Variants in MMP16 observed in about 807,000 individuals in gnomAD.
The protein encoded by MMP16 is matrix metallopeptidase 16, also known as matrix metalloproteinase-16.
In MMP16, 12 loss-of-function variants were observed where a neutral mutation model predicts 67.8. The ratio of observed to expected loss-of-function variants is 0.18; its 90% CI spans 0.11 to 0.29. MMP16 has a LOEUF of 0.29. Among genes scored for constraint, MMP16 ranks in the 10% least tolerant of loss-of-function variants. MMP16 has a pLI of 1.00. For synonymous variants in MMP16, 249 were observed against 255.9 expected (o/e 0.97, Z 0.26); for missense variants, 475 against 765.7 (o/e 0.62, Z 4.48).
chr8:88,236,208 T>C (rs1809937719), intron 1 of MMP16, among the ~76,000 whole-genome samples: 1 of 152,204 alleles, frequency 6.6e-6, no homozygotes, highest in Non-Finnish European at 1.5e-5. Flanking sequence ...GGCAGGGTGC[T>C]AGAATGGTTG....
chr8:88,118,618 G>A (rs1809478532), intron 5 of MMP16, 82 bp downstream of exon 5: 11 of 1,256,104 alleles, frequency 8.8e-6, no homozygotes, highest in Non-Finnish European at 1.3e-5. Flanking sequence ...TATACTTAGA[G>A]CATCTATCTC....
Position 88,033,332 on chromosome 8 carries a change from C to G in MMP16, c.*8129G>C, listed in dbSNP as rs1808010035. The G allele has an allele frequency of 6.7e-6, 1 of 149,024 alleles. No individual in the cohort carries two copies. Among genetic ancestry groups the G allele is most frequent in the African/African-American group, 2.5e-5 (1 of 40,722 alleles). 9.2% of individuals were successfully genotyped at this position (149,024 alleles called of 1,614,324 possible). A position where few individuals can be genotyped will look rare whatever the true frequency, so the allele number is the denominator to read the frequency against. On this transcript the variant is annotated 3_prime_UTR_variant, in exon 10 of 10. Transcript: ENST00000286614. ...TATGTATCATATATACTATATATTC[C>G]TAAATCTATATTACCAGATAGCTTA...
chr8:88,326,737 G>A, intron 1 of MMP16: 1 of 202,264 alleles, frequency 4.9e-6, no homozygotes, highest in South Asian at 1.0e-4. Flanking sequence ...TGTCTTCCCC[G>A]AGCTGTTTAT....
At chr8:88,166,279 T>C (rs977786251) in intron 4 of MMP16, among the ~76,000 whole-genome samples, 2 of 152,058 alleles carry the variant, frequency 1.3e-5, no homozygotes, top group African/African-American at 4.8e-5. Flanking sequence ...TGTACACTTA[T>C]AGTTGAATAA....
chr8:88,192,714 G>T (rs944649752), intron 2 of MMP16, among the ~76,000 whole-genome samples: 2 of 152,122 alleles, frequency 1.3e-5, no homozygotes, highest in South Asian at 2.1e-4. Context: ...AAATGTTGGG[G>T]TTCTTGGTAC....
chr8:88,253,295 A>G (rs1023616725), intron 1 of MMP16, among the ~76,000 whole-genome samples: 4 of 152,156 alleles, frequency 2.6e-5, no homozygotes, highest in East Asian at 1.9e-4. Flanking sequence ...ATAACTCCCT[A>G]TTCCTTAAGT....
intron 4 of MMP16, among the ~76,000 whole-genome samples, chr8:88,166,746 T>G (rs1055228383): frequency 7.0e-6 from 1 of 143,222 alleles, no homozygotes; most frequent in African/African-American, 2.5e-5. Flanking sequence ...ATTTTAATTT[T>G]TTTTAAACAG....
rs559610820 is a variant in MMP16 at position 88,201,449 on chromosome 8, T to A, written c.133-4143A>T. On this transcript the variant is annotated intron_variant, in intron 1 of 9. Transcript: ENST00000286614. Reference sequence around the variant, plus strand: ...ATCCAAAGTACAGTACTCATATGAATAGAAAAGTGCAAAGGTGATAAATTT... The same window carrying A: ...ATCCAAAGTACAGTACTCATATGAAAAGAAAAGTGCAAAGGTGATAAATTT... Among the ~76,000 whole-genome samples, 8 of 152,242 alleles carry A rather than the reference T, an allele frequency of 5.3e-5. No homozygotes were observed. The South Asian group carries it at 1.7e-3, about 32-fold the overall frequency.
At chr8:88,252,828 G>C (rs1434509111) in intron 1 of MMP16, among the ~76,000 whole-genome samples, 1 of 151,958 alleles carries the variant, frequency 6.6e-6, no homozygotes, top group Non-Finnish European at 1.5e-5. Flanking sequence ...CCAGATCAAA[G>C]CACTAATGTA....
intron 1 of MMP16, among the ~76,000 whole-genome samples, chr8:88,275,297 A>G (rs1485259557): frequency 6.6e-6 from 1 of 152,038 alleles, no homozygotes; most frequent in Non-Finnish European, 1.5e-5. Context: ...AATATATGGA[A>G]TAAAATATTA....
chr8:88,147,365 A>G (rs1808311023), intron 4 of MMP16, among the ~76,000 whole-genome samples: 2 of 152,234 alleles, frequency 1.3e-5, no homozygotes, highest in South Asian at 4.1e-4. Flanking sequence ...TGCTATTATT[A>G]TCCAATAAAC....
At chr8:88,303,540 C>T (rs1811165166) in intron 1 of MMP16, among the ~76,000 whole-genome samples, 1 of 152,202 alleles carries the variant, frequency 6.6e-6, no homozygotes, top group Non-Finnish European at 1.5e-5. Context: ...TCTCCAGACA[C>T]CTCCTATAGG....
At chr8:88,258,774 T>C (rs2129942617) in intron 1 of MMP16, among the ~76,000 whole-genome samples, 2 of 152,324 alleles carry the variant, frequency 1.3e-5, no homozygotes, top group South Asian at 4.1e-4. Context: ...CTTAGAAATG[T>C]TGTCATTTCT....
chr8:88,068,130 T>C (rs553480172), intron 7 of MMP16, among the ~76,000 whole-genome samples: 4 of 152,260 alleles, frequency 2.6e-5, no homozygotes, highest in East Asian at 3.9e-4. Context: ...TGGTATTTCA[T>C]TGTGGTTTTA....
At chr8:88,051,437 T>C (rs541611076) in intron 8 of MMP16, among the ~76,000 whole-genome samples, 157 of 152,324 alleles carry the variant, frequency 1.0e-3, no homozygotes, top group African/African-American at 3.7e-3. Flanking sequence ...ATGAACCTCA[T>C]AGCTCTTTCT....
chr8:88,304,368 G>GT, intron 1 of MMP16, among the ~76,000 whole-genome samples: 1 of 152,128 alleles, frequency 6.6e-6, no homozygotes, highest in African/African-American at 2.4e-5. Flanking sequence ...GTTGAAAAAC[G>GT]TACTTCAGGA....
intron 6 of MMP16, among the ~76,000 whole-genome samples, chr8:88,114,187 T>A (rs1470484370): frequency 1.3e-5 from 2 of 151,936 alleles, no homozygotes; most frequent in African/African-American, 4.8e-5. Flanking sequence ...GAGCCAGATA[T>A]CATTCAATCA....
intron 6 of MMP16, among the ~76,000 whole-genome samples, chr8:88,104,540 G>A (rs1210454806): frequency 6.6e-6 from 1 of 151,532 alleles, no homozygotes; most frequent in East Asian, 2.0e-4. Context: ...TGGTGATGCT[G>A]GTGTCAACAA....
intron 4 of MMP16, among the ~76,000 whole-genome samples, chr8:88,139,921 T>C (rs1808183819): frequency 6.6e-6 from 1 of 152,198 alleles, no homozygotes; most frequent in South Asian, 2.1e-4. Flanking sequence ...CTTTTCTTTT[T>C]TTAGAAAGCT....
Sources: gnomAD v4.1 joint callset for allele counts (sites outside exome capture counted in the v4.1 genomes callset) on GRCh38, gnomAD v4.1.1 for gene constraint, MANE v1.5 for transcripts, NCBI Gene and HGNC (gene_info 2026-07-23, HGNC 2026-07-21) for gene names.